OR2L3: variants seen among roughly 807,000 people sequenced by gnomAD.
OR2L3 encodes olfactory receptor 2L3.
For synonymous variants in OR2L3, 131 were observed against 139.1 expected, an observed-to-expected ratio of 0.94 and a Z score of 0.41; for missense variants, 369 against 376.6, an observed-to-expected ratio of 0.98 and a Z score of 0.17.
intron 1 of OR2L3, among the ~76,000 whole-genome samples, chr1:248,049,010 A>G (rs1423784206): frequency 1.3e-5 from 2 of 149,956 alleles, no homozygotes; most frequent in Non-Finnish European, 2.9e-5. Flanking sequence ...TTATATTGTG[A>G]TGAATAATAA....
At chr1:248,053,484 C>T (rs768776091) in intron 1 of OR2L3, among the ~76,000 whole-genome samples, 4 of 152,120 alleles carry the variant, frequency 2.6e-5, no homozygotes, top group Admixed American at 6.5e-5. Flanking sequence ...ACGGGAATGC[C>T]GGATCAAATG....
rs758534102 is a variant in OR2L3 at position 248,061,312 on chromosome 1, A to T, written c.631A>T (p.Ile211Phe). Residue 211 changes from isoleucine to phenylalanine, a missense_variant, in exon 2 of 2, where the codon ATT (isoleucine) becomes TTT (phenylalanine). Coordinates refer to ENST00000359959, the MANE Select transcript of OR2L3 (RefSeq NM_001004687.2). ...CACCATCTTTCTCGTGTTTCCCTTC[A>T]TTGCTATTTCATGTTCCTATGGCCG... is the stretch of plus-strand genomic sequence containing the variant. Reference protein sequence around the residue: ...STTIFLVFPFIAISCSYGRVL... With the variant: ...STTIFLVFPFFAISCSYGRVL... 1 of 1,613,354 alleles carries T rather than the reference A, an allele frequency of 6.2e-7. No homozygotes were observed. Among genetic ancestry groups the T allele is most frequent in the Non-Finnish European group, 8.5e-7 (1 of 1,179,836 alleles).
chr1:248,048,110 C>T (rs1328283752), intron 1 of OR2L3, among the ~76,000 whole-genome samples: 1 of 152,174 alleles, frequency 6.6e-6, no homozygotes, highest in Non-Finnish European at 1.5e-5. Flanking sequence ...CTTTCATAAT[C>T]AGTTTCTGTC....
In OR2L3 at chr1:248,052,499, C is replaced by T. The variant is rs180932299; in HGVS notation, c.-22+5619C>T. On this transcript the variant is annotated intron_variant, in intron 1 of 1. Transcript: ENST00000359959. ...ATCCCAGCACTTTGGGAGGCCGAGC[C>T]GGGCAGATCACAAGGTAAGGAGGTT... Among the ~76,000 whole-genome samples the T allele has an allele frequency of 3.9e-5, 6 of 152,100 alleles. No homozygotes were observed. In the South Asian group the frequency reaches 6.2e-4, roughly 16 times the overall value.
chr1:248,054,805 T>C (rs374411740), intron 1 of OR2L3, among the ~76,000 whole-genome samples: 10 of 152,332 alleles, frequency 6.6e-5, no homozygotes, highest in South Asian at 6.2e-4. Flanking sequence ...TCCTGAGAGT[T>C]TGATGAATTT....
Position 248,060,900 on chromosome 1 carries a change from C to T in OR2L3, c.219C>T (p.Ile73=). 1.2e-6 allele frequency: 2 copies of T among 1,613,916 alleles called. No homozygotes were observed. The highest frequency in any genetic ancestry group is 1.7e-6 in the Non-Finnish European group (2 of 1,179,850). Residue 73 remains isoleucine (I), a synonymous_variant, in exon 2 of 2, where the codon ATC becomes ATT. Transcript: ENST00000359959. ...SQLSLIDLNY[I]STIVPKMASD... is the part of the protein sequence containing the mutation. ...TCTCCCTCATTGACCTAAATTACATCTCCACCATTGTTCCTAAGATGGCAT... is the reference window on the plus strand; with the variant it reads ...TCTCCCTCATTGACCTAAATTACATTTCCACCATTGTTCCTAAGATGGCAT...
rs749082251 is a variant in OR2L3 at position 248,062,589 on chromosome 1, G to A, written c.*969G>A. On this transcript the variant is annotated 3_prime_UTR_variant, in exon 2 of 2. Transcript: ENST00000359959. ...GGTGGGAAGGGTACAGGGGAGGGAC[G>A]ATAAAGTGGGGATGGCTAATAGTTG... 1 of 152,306 alleles carries A rather than the reference G, an allele frequency of 6.6e-6. No homozygotes were observed. Among genetic ancestry groups the A allele is most frequent in the African/African-American group, 2.4e-5 (1 of 41,564 alleles). The allele number at this position is 152,306 out of a possible 1,614,324, so 9.4% of individuals were successfully genotyped here.
intron 1 of OR2L3, among the ~76,000 whole-genome samples, chr1:248,049,912 G>T (rs1399213308): frequency 6.6e-6 from 1 of 152,054 alleles, no homozygotes; most frequent in African/African-American, 2.4e-5. Flanking sequence ...ATGTATATAT[G>T]TATATATGCA....
chr1:248,058,888 C>T (rs1474217179), intron 1 of OR2L3, among the ~76,000 whole-genome samples: 1 of 151,654 alleles, frequency 6.6e-6, no homozygotes, highest in East Asian at 1.9e-4. Context: ...TTTTGTTTAC[C>T]TTCTAATAGA....
intron 1 of OR2L3, among the ~76,000 whole-genome samples, chr1:248,050,846 C>T (rs1663241000): frequency 6.6e-6 from 1 of 152,010 alleles, no homozygotes; most frequent in Non-Finnish European, 1.5e-5. Context: ...AAAATTTGCT[C>T]TTCTAAATTT....
chr1:248,059,466 ATG>A (rs757908931), intron 1 of OR2L3, among the ~76,000 whole-genome samples: 3 of 152,184 alleles, frequency 2.0e-5, no homozygotes, highest in Non-Finnish European at 4.4e-5. Context: ...AAAAGACAAA[ATG>A]TGTAACCTAT....
chr1:248,047,657 G>A (rs1283492918), intron 1 of OR2L3, among the ~76,000 whole-genome samples: 1 of 152,150 alleles, frequency 6.6e-6, no homozygotes, highest in Non-Finnish European at 1.5e-5. Flanking sequence ...TAAACTTCCA[G>A]TGAAATTATA....
chr1:248,049,513 G>T (rs1353269466), intron 1 of OR2L3, among the ~76,000 whole-genome samples: 6 of 152,088 alleles, frequency 3.9e-5, no homozygotes, highest in Non-Finnish European at 5.9e-5. Context: ...TACATTGGGA[G>T]CAAGATAGAA....
At chr1:248,054,304 T>A (rs994682901) in intron 1 of OR2L3, among the ~76,000 whole-genome samples, 1 of 152,212 alleles carries the variant, frequency 6.6e-6, no homozygotes, top group African/African-American at 2.4e-5. Flanking sequence ...TCTATTCTGT[T>A]CCATTGGTCT....
chr1:248,050,362 T>C (rs1376553772), intron 1 of OR2L3, among the ~76,000 whole-genome samples: 1 of 152,120 alleles, frequency 6.6e-6, no homozygotes, highest in Non-Finnish European at 1.5e-5. Context: ...GGGCCAGAAA[T>C]AATCCATTTG....
Position 248,061,536 on chromosome 1 carries a change from C to A in OR2L3, c.855C>A (p.Asn285Lys), listed in dbSNP as rs756435323. The A allele has an allele frequency of 6.8e-6, 11 of 1,613,912 alleles. No individual in the cohort carries two copies. The highest frequency in any genetic ancestry group is 9.3e-6 in the Non-Finnish European group (11 of 1,179,904). The change falls in exon 2 of 2, where the codon AAC (asparagine) becomes AAA (lysine). Residue 285 changes from asparagine (N) to lysine (K), a missense_variant. By Grantham distance (94) the Asn-to-Lys change is moderately conservative. Coordinates refer to ENST00000359959, the MANE Select transcript of OR2L3 (RefSeq NM_001004687.2). ...ACACCACCCTCACTCCAATGCTCAA[C>A]CCCATCATCTATAGCCTGAGGAACA... Reference protein sequence around the residue: ...VFYTTLTPMLNPIIYSLRNKE... With the variant: ...VFYTTLTPMLKPIIYSLRNKE...
intron 1 of OR2L3, among the ~76,000 whole-genome samples, chr1:248,058,032 C>T (rs1271430572): frequency 2.6e-5 from 4 of 152,118 alleles, no homozygotes; most frequent in South Asian, 2.1e-4. Flanking sequence ...AGTGGACTTC[C>T]GTGTCTTGTT....
chr1:248,060,749 G>A lies in OR2L3; in HGVS notation c.68G>A (p.Gly23Asp). Residue 23 changes from glycine to aspartate, a missense_variant, in exon 2 of 2, where the codon GGC (glycine) becomes GAC (aspartate). Gly to Asp is a moderately conservative substitution (Grantham distance 94). Coordinates refer to ENST00000359959, the MANE Select transcript of OR2L3 (RefSeq NM_001004687.2). Reference protein sequence around the residue: ...LLGFFPPSRIGLFLFILIVFI... With the variant: ...LLGFFPPSRIDLFLFILIVFI... ...GGATTCTTCCCACCATCAAGAATTG[G>A]CCTTTTCCTCTTCATCCTCATTGTT... is the stretch of plus-strand genomic sequence containing the variant. The A allele has an allele frequency of 6.2e-7, 1 of 1,614,028 alleles. No homozygotes were observed. Among genetic ancestry groups the A allele is most frequent in the Non-Finnish European group, 8.5e-7 (1 of 1,179,944 alleles).
chr1:248,057,962 C>A (rs897090616), intron 1 of OR2L3, among the ~76,000 whole-genome samples: 2 of 151,944 alleles, frequency 1.3e-5, no homozygotes, highest in Admixed American at 6.6e-5. Context: ...ATTTTTATTT[C>A]TTTTCTTGTT....
Sources: gnomAD v4.1 joint callset for allele counts (sites outside exome capture counted in the v4.1 genomes callset) on GRCh38, gnomAD v4.1.1 for gene constraint, MANE v1.5 for transcripts, NCBI Gene and HGNC (gene_info 2026-07-23, HGNC 2026-07-21) for gene names.